The following DMD variants were observed in gnomAD, a reference collection of about 807,000 sequenced individuals.
DMD encodes the protein dystrophin.
In DMD, 63 loss-of-function variants were observed where a neutral mutation model predicts 330.1. The ratio of observed to expected loss-of-function variants is 0.19; its 90% CI spans 0.16 to 0.24. The LOEUF (loss-of-function observed/expected upper bound fraction) is 0.24. Among genes scored for constraint, DMD ranks in the 10% least tolerant of loss-of-function variants. The probability of loss-of-function intolerance (pLI) is 1.00; values close to 1 mark genes in which losing one functional copy is unlikely to be tolerated. For synonymous variants in DMD, 1,223 were observed against 959.8 expected, an observed-to-expected ratio of 1.27 and a Z score of -5.07; for missense variants, 3,344 against 2,684.1, an observed-to-expected ratio of 1.25 and a Z score of -5.43.
intron 7 of DMD, among the ~76,000 whole-genome samples, chrX:32,792,337 A>G (rs1228314773): frequency 9.0e-6 from 1 of 111,271 alleles, no homozygotes; most frequent in African/African-American, 3.3e-5. Context: ...AAAAAAATCA[A>G]GAAAAGTTAC....
chrX:33,156,500 G>A (rs1179260487), intron 1 of DMD, among the ~76,000 whole-genome samples: 5 of 111,989 alleles, frequency 4.5e-5, no homozygotes, highest in East Asian at 2.8e-4. Context: ...ATGTGCTAGC[G>A]TGGATGATGG....
intron 1 of DMD, among the ~76,000 whole-genome samples, chrX:33,289,624 TCAA>T (rs1047484949): frequency 1.8e-5 from 2 of 111,787 alleles, no homozygotes; most frequent in Non-Finnish European, 3.8e-5. Context: ...TTGATATCTG[TCAA>T]CAAAGACTCT....
chrX:32,411,642 A>T, intron 30 of DMD, 110 bp downstream of exon 30: 1 of 944,124 alleles, frequency 1.1e-6, no homozygotes, highest in South Asian at 2.0e-5. Context: ...CAGTGAATCA[A>T]AACAACCCCA....
In DMD at chrX:31,195,557, A is replaced by G. The variant is rs372438581; in HGVS notation, c.9807+8404T>C. Among the ~76,000 whole-genome samples, 59 of 111,491 alleles carry G rather than the reference A, an allele frequency of 5.3e-4. No individual in the cohort carries two copies. The East Asian group carries it at 9.9e-3, about 19-fold the overall frequency. ...AAGATATAAAGTTAGCTCTTCCACT[A>G]CTGCCTCCTACAATCCTTTAAAATC... On this transcript the variant is annotated intron_variant, in intron 67 of 78. Coordinates refer to ENST00000357033, the MANE Select transcript of DMD (RefSeq NM_004006.3).
chrX:32,646,960 AG>A (rs943482304), intron 9 of DMD, among the ~76,000 whole-genome samples: 4 of 110,937 alleles, frequency 3.6e-5, no homozygotes, highest in African/African-American at 9.8e-5. Flanking sequence ...TGAAGGTCTT[AG>A]GGGTTAGAAC....
At chrX:31,581,512 C>T (rs1294389580) in intron 55 of DMD, among the ~76,000 whole-genome samples, 2 of 111,339 alleles carry the variant, frequency 1.8e-5, no homozygotes, top group East Asian at 5.6e-4. Flanking sequence ...ATTGACAAAC[C>T]TAGATTCTTA....
intron 41 of DMD, among the ~76,000 whole-genome samples, chrX:32,327,195 C>G (rs33919662): frequency 4.0e-5 from 1 of 24,937 alleles, no homozygotes; most frequent in Non-Finnish European, 1.7e-4. Context: ...ACTAGGGGCA[C>G]AAAAAAAAAA....
chrX:32,557,683 T>C (rs1181207176), intron 16 of DMD, among the ~76,000 whole-genome samples: 1 of 111,777 alleles, frequency 8.9e-6, no homozygotes, highest in East Asian at 2.8e-4. Flanking sequence ...GGCACAAAAA[T>C]CTGGTAAAGA....
rs1411466843 is a variant in DMD at position 31,206,461 on chromosome X, A to T, written c.9649+121T>A. ...CCAAATTTTATGACACTCTAAAAGC[A>T]GTTCTACATCTTACATGAGGAATCT... On this transcript the variant is annotated intron_variant, in intron 66 of 78. Coordinates refer to ENST00000357033, the MANE Select transcript of DMD (RefSeq NM_004006.3). The T allele has an allele frequency of 4.8e-6, 3 of 626,473 alleles. No homozygotes were observed. The East Asian group carries it at 1.1e-4, about 23-fold the overall frequency. The allele number at this position is 626,473 out of a possible 1,213,427, so 51.6% of individuals were successfully genotyped here. A position where few individuals can be genotyped will look rare whatever the true frequency, so the allele number is the denominator to read the frequency against.
intron 7 of DMD, among the ~76,000 whole-genome samples, chrX:32,739,148 G>A (rs2068905460): frequency 9.0e-6 from 1 of 111,616 alleles, no homozygotes; most frequent in African/African-American, 3.3e-5. Flanking sequence ...TTTTCTAGAT[G>A]AGGAAAAGGC....
intron 7 of DMD, among the ~76,000 whole-genome samples, chrX:32,767,124 A>G (rs1332677055): frequency 8.9e-6 from 1 of 111,836 alleles, no homozygotes; most frequent in Non-Finnish European, 1.9e-5. Flanking sequence ...ATCATGAATT[A>G]GTAATTTCAT....
At chrX:32,585,699 CAAAAAAAAAAAAAAAAAAAA>C (rs61394183) in intron 13 of DMD, among the ~76,000 whole-genome samples, 3 of 31,919 alleles carry the variant, frequency 9.4e-5, no homozygotes, top group South Asian at 0.011. Context: ...GACTCCGTCT[CAAAAAAAAAAAAAAAAAAAA>C]AAAAAAAAAA....
intron 52 of DMD, among the ~76,000 whole-genome samples, chrX:31,707,980 T>G (rs2084329080): frequency 8.9e-6 from 1 of 112,138 alleles, no homozygotes; most frequent in Non-Finnish European, 1.9e-5. Flanking sequence ...TGAATGTTGT[T>G]CTAAATTGTG....
intron 44 of DMD, among the ~76,000 whole-genome samples, chrX:32,193,087 T>C (rs1340975105): frequency 1.8e-5 from 2 of 111,359 alleles, no homozygotes; most frequent in East Asian, 2.8e-4. Context: ...TACTTCATTC[T>C]GTCTCTCTTG....
intron 16 of DMD, among the ~76,000 whole-genome samples, chrX:32,552,597 C>G (rs917921334): frequency 6.3e-5 from 7 of 111,830 alleles, no homozygotes; most frequent in African/African-American, 2.3e-4. Flanking sequence ...TAAAGAACTT[C>G]TACACAACAA....
chrX:32,698,990 T>C, intron 8 of DMD, 122 bp downstream of exon 8: 1 of 620,855 alleles, frequency 1.6e-6, no homozygotes, highest in South Asian at 2.7e-5. Context: ...ATACATACAT[T>C]AGGCTTTGTA....
intron 1 of DMD, among the ~76,000 whole-genome samples, chrX:33,261,930 C>T (rs950348178): frequency 9.9e-6 from 1 of 101,006 alleles, no homozygotes. Flanking sequence ...AGAAAACCAC[C>T]ACCACCACCA....
intron 53 of DMD, among the ~76,000 whole-genome samples, chrX:31,665,719 G>C (rs1370276970): frequency 8.9e-6 from 1 of 111,885 alleles, no homozygotes; most frequent in Non-Finnish European, 1.9e-5. Flanking sequence ...TACAAGCTGA[G>C]AGCAGACTAG....
intron 9 of DMD, among the ~76,000 whole-genome samples, chrX:32,646,007 A>G (rs1012592679): frequency 9.0e-6 from 1 of 111,713 alleles, no homozygotes; most frequent in Non-Finnish European, 1.9e-5. Context: ...GGTGTGTAAG[A>G]GCAAGCAAGG....
Sources: allele counts gnomAD v4.1 joint callset (sites outside exome capture counted in the v4.1 genomes callset), GRCh38; gene constraint gnomAD v4.1.1; transcripts MANE v1.5; gene names NCBI Gene and HGNC (gene_info 2026-07-23, HGNC 2026-07-21).